The following SLC36A1 variants were observed in gnomAD, a reference collection of about 807,000 sequenced individuals.
SLC36A1 encodes solute carrier family 36 member 1, also known as proton-coupled amino acid transporter 1.
In SLC36A1, 30 loss-of-function variants were observed where a neutral mutation model predicts 47.5. The ratio of observed to expected loss-of-function variants is 0.63; its 90% CI spans 0.47 to 0.86. SLC36A1 has a LOEUF of 0.86. SLC36A1 is among the 40% of genes least tolerant of loss of function. SLC36A1 has a pLI of 0.00. For missense variants in SLC36A1, 517 were observed against 606.0 expected (o/e 0.85, Z 1.54); for synonymous variants, 255 against 249.7 (o/e 1.02, Z -0.20).
At chr5:151,372,263 C>T in the SLC36A1 span, among the ~76,000 whole-genome samples, 1 of 152,156 alleles carries the variant, frequency 6.6e-6, no homozygotes, top group Non-Finnish European at 1.5e-5. Context: ...TTCCCACCTT[C>T]CCAGCATGCT....
rs759265046 is a variant in SLC36A1 at position 151,457,311 on chromosome 5, AG to A, written c.-5-1476del. On this transcript the variant is annotated intron_variant, in intron 1 of 10. Transcript: ENST00000243389. ...TTCATCTTTAAAGTAAGGGGCTTAG[AG>A]TGACCTGTGAAGGCTCATTTAGCAA... is the stretch of plus-strand genomic sequence containing the variant. Among the ~76,000 whole-genome samples, 149 of 151,972 alleles carry A rather than the reference AG, an allele frequency of 9.8e-4. 3 individuals carry two copies. Among genetic ancestry groups the A allele is most frequent in the Non-Finnish European group, 2.5e-4 (17 of 68,004 alleles).
At chr5:151,496,150 G>C (rs151079281), downstream of SLC36A1, among the ~76,000 whole-genome samples, 221 of 152,182 alleles carry the variant, frequency 1.5e-3, no homozygotes, top group African/African-American at 5.1e-3. Context: ...TCTTTCCTGC[G>C]CTGTTCTCGT....
chr5:151,534,648 C>A, the SLC36A1 span: 8 of 1,600,254 alleles, frequency 5.0e-6, no homozygotes, highest in East Asian at 1.6e-4. Context: ...CTCCCCTGGT[C>A]GGAGAAATGA....
chr5:151,484,300 A>G (rs1388400786), intron 10 of SLC36A1, among the ~76,000 whole-genome samples: 1 of 152,220 alleles, frequency 6.6e-6, no homozygotes, highest in Non-Finnish European at 1.5e-5. Context: ...TCTTGAGCGG[A>G]CATCAGCATT....
chr5:151,506,183 G>A, the SLC36A1 span: 1,661 of 1,396,282 alleles, frequency 1.2e-3, 10 homozygotes, highest in Middle Eastern at 6.0e-3. Flanking sequence ...ATAACCTAGC[G>A]AGTGGTGGAG....
upstream of SLC36A1, chr5:151,437,076 G>A (rs1759811479): frequency 6.6e-6 from 1 of 152,210 alleles, no homozygotes. Context: ...GCCCAACCCT[G>A]GAACTATTCC....
the SLC36A1 span, among the ~76,000 whole-genome samples, chr5:151,348,016 A>T: frequency 2.6e-5 from 4 of 152,136 alleles, no homozygotes; most frequent in African/African-American, 4.8e-5. Flanking sequence ...CCTTTTATTC[A>T]TCTCAGGGTA....
the SLC36A1 span, among the ~76,000 whole-genome samples, chr5:151,367,374 T>TTTCCCCC: frequency 2.1e-5 from 3 of 145,466 alleles, no homozygotes; most frequent in African/African-American, 5.2e-5. Context: ...TTTTTTTTTT[T>TTTCCCCC]CCCCAGGGTA....
intron 10 of SLC36A1, among the ~76,000 whole-genome samples, chr5:151,482,529 G>T (rs567384413): frequency 7.6e-4 from 116 of 151,708 alleles, no homozygotes; most frequent in African/African-American, 2.7e-3. Flanking sequence ...TTTTTGCATT[G>T]TATCTTCTGT....
intron 8 of SLC36A1, among the ~76,000 whole-genome samples, chr5:151,474,300 A>G (rs1757757700): frequency 6.6e-6 from 1 of 152,116 alleles, no homozygotes; most frequent in Non-Finnish European, 1.5e-5. Flanking sequence ...TTTACATTCA[A>G]GGCCCCTTCA....
the SLC36A1 span, among the ~76,000 whole-genome samples, chr5:151,374,211 C>G: frequency 6.6e-6 from 1 of 152,310 alleles, no homozygotes; most frequent in Admixed American, 6.5e-5. Context: ...CGTCTGGGTA[C>G]TAGGTACCAG....
At chr5:151,536,090 C>G in the SLC36A1 span, among the ~76,000 whole-genome samples, 1 of 152,096 alleles carries the variant, frequency 6.6e-6, no homozygotes, top group African/African-American at 2.4e-5. Context: ...GAAAACCAGT[C>G]AGATAGAATA....
At chr5:151,514,556 C>A in the SLC36A1 span, among the ~76,000 whole-genome samples, 1 of 152,240 alleles carries the variant, frequency 6.6e-6, no homozygotes, top group Non-Finnish European at 1.5e-5. Context: ...GCTCACGAGC[C>A]TCTCTTTAAT....
chr5:151,385,632 G>A, the SLC36A1 span, among the ~76,000 whole-genome samples: 10 of 152,100 alleles, frequency 6.6e-5, no homozygotes, highest in Non-Finnish European at 1.0e-4. Flanking sequence ...TTTGTTGGCA[G>A]AAGTGCAAAA....
upstream of SLC36A1, among the ~76,000 whole-genome samples, chr5:151,442,758 C>T (rs1752699784): frequency 6.6e-6 from 1 of 152,142 alleles, no homozygotes; most frequent in African/African-American, 2.4e-5. Flanking sequence ...TACATATCTG[C>T]TACTCTGTAT....
At chr5:151,497,459 A>C in the SLC36A1 span, among the ~76,000 whole-genome samples, 3 of 152,148 alleles carry the variant, frequency 2.0e-5, no homozygotes, top group Non-Finnish European at 2.9e-5. Context: ...ATTGTATACT[A>C]TTCTTTATAT....
chr5:151,505,851 C>T, the SLC36A1 span: 535 of 1,610,802 alleles, frequency 3.3e-4, no homozygotes, highest in Middle Eastern at 5.0e-4. Flanking sequence ...ACTAGGGGGC[C>T]GAGAGGGCAT....
At chr5:151,451,323 G>A (rs1052243218) in intron 1 of SLC36A1, among the ~76,000 whole-genome samples, 3 of 152,142 alleles carry the variant, frequency 2.0e-5, no homozygotes, top group Admixed American at 2.0e-4. Flanking sequence ...AAAGTGCCGG[G>A]ATTACAGATG....
chr5:151,408,849 T>C, the SLC36A1 span, among the ~76,000 whole-genome samples: 1 of 152,202 alleles, frequency 6.6e-6, no homozygotes, highest in Non-Finnish European at 1.5e-5. Context: ...AGGATATTTA[T>C]AGCAACTGGT....
Sources: gnomAD v4.1 joint callset for allele counts (sites outside exome capture counted in the v4.1 genomes callset) on GRCh38, gnomAD v4.1.1 for gene constraint, MANE v1.5 for transcripts, NCBI Gene and HGNC (gene_info 2026-07-23, HGNC 2026-07-21) for gene names.